The following GALNT13 variants were observed in gnomAD, a reference collection of about 807,000 sequenced individuals.
The protein encoded by GALNT13 is UDP-GalNAc:polypeptide N-acetylgalactosaminyltransferase 13.
A neutral mutation model predicts 64.2 loss-of-function variants in GALNT13; 28 were observed. The observed-to-expected ratio is 0.44, with a 90% CI of 0.32 to 0.60. The LOEUF (loss-of-function observed/expected upper bound fraction) is 0.60. GALNT13 is among the 20% of genes least tolerant of loss of function. The probability of loss-of-function intolerance (pLI) is 0.05; values close to 1 mark genes in which losing one functional copy is unlikely to be tolerated. For missense variants in GALNT13, 577 were observed against 669.8 expected (o/e 0.86, Z 1.53); for synonymous variants, 214 against 224.6 (o/e 0.95, Z 0.42).
chr2:154,010,667 A>G (rs1474169809), intron 3 of GALNT13, among the ~76,000 whole-genome samples: 1 of 152,150 alleles, frequency 6.6e-6, no homozygotes, highest in Non-Finnish European at 1.5e-5. Flanking sequence ...GAATGGTACC[A>G]GCTGTGGTTC....
the GALNT13 span, among the ~76,000 whole-genome samples, chr2:153,278,270 C>A: frequency 2.0e-5 from 3 of 152,036 alleles, no homozygotes; most frequent in African/African-American, 7.2e-5. Context: ...CTGTCAGATG[C>A]ATAGTTTGCA....
chr2:154,114,445 T>C (rs150055995), intron 3 of GALNT13, among the ~76,000 whole-genome samples: 67 of 152,306 alleles, frequency 4.4e-4, no homozygotes, highest in African/African-American at 1.5e-3. Flanking sequence ...TGACGTTTTG[T>C]GTCCTCTGGA....
Position 154,062,700 on chromosome 2 carries a change from C to A in GALNT13, c.143-77637C>A, listed in dbSNP as rs543261507. ...ATGATCTAATCACCTCCCACCAGGT[C>A]TGTCTCCCAGCGGAATTACAATTCG... On this transcript the variant is annotated intron_variant, in intron 3 of 12. Transcript: ENST00000392825. 2.6e-5 allele frequency among the ~76,000 whole-genome samples: 4 copies of A among 152,306 alleles called. No individual in the cohort carries two copies. The South Asian group carries it at 8.3e-4, about 32-fold the overall frequency.
chr2:153,456,330 C>T, the GALNT13 span, among the ~76,000 whole-genome samples: 860 of 152,260 alleles, frequency 5.6e-3, 4 homozygotes, highest in Middle Eastern at 0.027. Flanking sequence ...AATGCTGGTC[C>T]CTTTCCTAGA....
At chr2:154,351,981 G>A (rs1296302758) in intron 9 of GALNT13, among the ~76,000 whole-genome samples, 2 of 152,012 alleles carry the variant, frequency 1.3e-5, no homozygotes, top group Non-Finnish European at 2.9e-5. Context: ...AATTTCATGT[G>A]AAGTTTTGCT....
the GALNT13 span, among the ~76,000 whole-genome samples, chr2:153,853,810 A>C: frequency 6.6e-6 from 1 of 151,344 alleles, no homozygotes; most frequent in Admixed American, 6.6e-5. Context: ...AAATTCTAGA[A>C]CATACAGTTC....
In GALNT13 at chr2:154,430,960, C is replaced by T. The variant is rs78244403; in HGVS notation, c.1396-7632C>T. On this transcript the variant is annotated intron_variant, in intron 11 of 12. Coordinates refer to ENST00000392825, the MANE Select transcript of GALNT13 (RefSeq NM_052917.4). ...TTTTTTGAGACACAATGCTACTGCA[C>T]GCTTAATATGGCTACAGTATGGTGT... 3.0e-3 allele frequency among the ~76,000 whole-genome samples: 457 copies of T among 152,222 alleles called. 2 individuals are homozygous for T. Among genetic ancestry groups the T allele is most frequent in the African/African-American group, 9.8e-3 (408 of 41,542 alleles).
chr2:153,605,928 G>A, the GALNT13 span, among the ~76,000 whole-genome samples: 1 of 152,006 alleles, frequency 6.6e-6, no homozygotes, highest in Non-Finnish European at 1.5e-5. Flanking sequence ...CAGGAATTTG[G>A]CAGGGAGGGT....
chr2:154,382,220 A>C (rs1698305275), intron 9 of GALNT13, among the ~76,000 whole-genome samples: 1 of 152,096 alleles, frequency 6.6e-6, no homozygotes, highest in Non-Finnish European at 1.5e-5. Context: ...GACCAATGAT[A>C]TCTTGAAACA....
the GALNT13 span, among the ~76,000 whole-genome samples, chr2:153,647,952 CT>C: frequency 6.6e-6 from 1 of 152,126 alleles, no homozygotes; most frequent in Non-Finnish European, 1.5e-5. Context: ...AATGTGGGCT[CT>C]TTTTTGGTTC....
chr2:153,580,958 A>T, the GALNT13 span, among the ~76,000 whole-genome samples: 1 of 152,086 alleles, frequency 6.6e-6, no homozygotes, highest in African/African-American at 2.4e-5. Context: ...TTCAAGACCA[A>T]ATTCTGGTTG....
the GALNT13 span, among the ~76,000 whole-genome samples, chr2:153,615,474 T>A: frequency 6.6e-6 from 1 of 152,118 alleles, no homozygotes; most frequent in Non-Finnish European, 1.5e-5. Context: ...GAAGTTATAC[T>A]AATTTACATT....
In GALNT13 at chr2:154,389,532, G is replaced by C. The variant is rs114491693; in HGVS notation, c.1157-6459G>C. 4.0e-3 allele frequency among the ~76,000 whole-genome samples: 604 copies of C among 152,282 alleles called. 6 individuals carry two copies. The highest frequency in any genetic ancestry group is 0.014 in the African/African-American group (573 of 41,562). On this transcript the variant is annotated intron_variant, in intron 9 of 12. Transcript: ENST00000392825. The stretch of plus-strand genomic sequence containing the variant: ...AAATTGTAAGCTTTGGCATGCATTA[G>C]GGTATTCTTTCTTCAGGTACTTTGA...
At chr2:154,069,752 C>T (rs1262300369) in intron 3 of GALNT13, among the ~76,000 whole-genome samples, 1 of 151,898 alleles carries the variant, frequency 6.6e-6, no homozygotes, top group Non-Finnish European at 1.5e-5. Context: ...ATAGAATAGA[C>T]CAACACCTAT....
intron 9 of GALNT13, among the ~76,000 whole-genome samples, chr2:154,341,082 C>T (rs1357512500): frequency 6.6e-6 from 1 of 152,048 alleles, no homozygotes; most frequent in Non-Finnish European, 1.5e-5. Context: ...TATAAAGTAA[C>T]ATATCAAGGG....
chr2:153,554,680 GTGTC>G, the GALNT13 span, among the ~76,000 whole-genome samples: 837 of 123,026 alleles, frequency 6.8e-3, 8 homozygotes, highest in African/African-American at 0.024. Context: ...GTGTGTGTGT[GTGTC>G]TGTGTACGCG....
the GALNT13 span, among the ~76,000 whole-genome samples, chr2:153,765,448 G>A: frequency 6.6e-6 from 1 of 152,108 alleles, no homozygotes; most frequent in Non-Finnish European, 1.5e-5. Flanking sequence ...CCTTCATTTT[G>A]GCCAATTTCT....
chr2:154,081,050 C>T (rs1230957528), intron 3 of GALNT13, among the ~76,000 whole-genome samples: 1 of 151,466 alleles, frequency 6.6e-6, no homozygotes, highest in Non-Finnish European at 1.5e-5. Context: ...TTCCTTTATA[C>T]TCCTCACATA....
rs545655199 is a variant in GALNT13 at position 153,984,009 on chromosome 2, G to A, written c.142+39370G>A. Reference sequence around the variant, plus strand: ...AGATCTATCATATTTTATTATACCTGTCATCTTTAATTTTAAAGTCTCTTT... The same window carrying A: ...AGATCTATCATATTTTATTATACCTATCATCTTTAATTTTAAAGTCTCTTT... On this transcript the variant is annotated intron_variant, in intron 3 of 12. Transcript: ENST00000392825. 1.1e-4 allele frequency among the ~76,000 whole-genome samples: 17 copies of A among 151,858 alleles called. No individual in the cohort carries two copies. The South Asian group carries it at 3.3e-3, about 30-fold the overall frequency.
Sources: gnomAD v4.1 joint callset for allele counts (sites outside exome capture counted in the v4.1 genomes callset) on GRCh38, gnomAD v4.1.1 for gene constraint, MANE v1.5 for transcripts, NCBI Gene and HGNC (gene_info 2026-07-23, HGNC 2026-07-21) for gene names.